SH2D4A: variants seen among roughly 807,000 people sequenced by gnomAD.
SH2D4A encodes the protein SH2 domain containing 4A.
In SH2D4A, 70 loss-of-function variants were observed where a neutral mutation model predicts 64.7. The observed-to-expected ratio is 1.08, with a 90% CI of 0.89 to 1.32. SH2D4A has a LOEUF of 1.32. SH2D4A is among the 40% of genes most tolerant of loss of function. SH2D4A has a pLI of 0.00. For synonymous variants in SH2D4A, 268 were observed against 200.7 expected (o/e 1.34, Z -2.83); for missense variants, 706 against 540.1 (o/e 1.31, Z -3.04).
At position 19,364,202 on chromosome 8, in the gene SH2D4A, T is replaced by C; in HGVS notation, c.837T>C (p.Val279=). 1.2e-6 allele frequency: 2 copies of C among 1,614,170 alleles called. No homozygotes were observed. The highest frequency in any genetic ancestry group is 1.7e-6 in the Non-Finnish European group (2 of 1,180,008). ...GGERLQSPLR[V]PQKPERPPLP... ...AGAGGCTGCAAAGCCCCTTGCGTGT[T>C]CCGCAGAAACCAGAAAGACCTCCCC... Residue 279 remains valine, a synonymous_variant, in exon 7 of 10, where the codon GTT becomes GTC. Transcript: ENST00000265807.
intron 2 of SH2D4A, among the ~76,000 whole-genome samples, chr8:19,329,125 G>A (rs1289294388): frequency 6.6e-6 from 1 of 152,046 alleles, no homozygotes; most frequent in African/African-American, 2.4e-5. Flanking sequence ...CTGTTCTTTG[G>A]TCATGTTGTT....
chr8:19,369,940 G>C (rs1270673804), intron 7 of SH2D4A, among the ~76,000 whole-genome samples: 1 of 151,882 alleles, frequency 6.6e-6, no homozygotes, highest in East Asian at 1.9e-4. Context: ...TTTGATATGT[G>C]TGTTTATTGG....
chr8:19,319,076 T>C (rs1312793021), intron 1 of SH2D4A, among the ~76,000 whole-genome samples: 1 of 152,106 alleles, frequency 6.6e-6, no homozygotes, highest in African/African-American at 2.4e-5. Context: ...TGGACAAACC[T>C]CTGTGAACTT....
chr8:19,314,195 C>T (rs2052045996), intron 1 of SH2D4A: 5 of 776,978 alleles, frequency 6.4e-6, no homozygotes, highest in Non-Finnish European at 8.0e-6. Flanking sequence ...GGCAGGGACA[C>T]GCGGCGCGTG....
Position 19,361,253 on chromosome 8 carries a change from A to G in SH2D4A, c.645A>G (p.Glu215=), listed in dbSNP as rs191917858. Residue 215 remains glutamate (E), a synonymous_variant, in exon 6 of 10, where the codon GAA becomes GAG. Coordinates refer to ENST00000265807, the MANE Select transcript of SH2D4A (RefSeq NM_022071.4). Reference sequence around the variant, plus strand: ...AAGATGAAGAAATAAATCAAATAGAAGAAGAGAGAACGAAGCAGATTTGTA... The same window carrying G: ...AAGATGAAGAAATAAATCAAATAGAGGAAGAGAGAACGAAGCAGATTTGTA... The part of the protein sequence containing the change: ...KKQDEEINQI[E]EERTKQICKS... 7 of 1,609,108 alleles carry G rather than the reference A, an allele frequency of 4.4e-6. No individual in the cohort carries two copies. Among genetic ancestry groups the G allele is most frequent in the Non-Finnish European group, 5.9e-6 (7 of 1,176,828 alleles).
At chr8:19,333,191 C>A in intron 3 of SH2D4A, 77 bp downstream of exon 3, 1 of 1,485,244 alleles carries the variant, frequency 6.7e-7, no homozygotes. Context: ...ACCTCTTGCT[C>A]ACAGTATCAG....
intron 8 of SH2D4A, among the ~76,000 whole-genome samples, chr8:19,391,786 A>G (rs2053496939): frequency 6.6e-6 from 1 of 152,216 alleles, no homozygotes; most frequent in African/African-American, 2.4e-5. Context: ...TTTACTCTGG[A>G]GAGAGTTCAC....
chr8:19,390,235 G>A (rs1248059180), intron 8 of SH2D4A, among the ~76,000 whole-genome samples: 1 of 152,130 alleles, frequency 6.6e-6, no homozygotes, highest in Non-Finnish European at 1.5e-5. Context: ...ACAAAAATTA[G>A]CTGGGCATGG....
intron 8 of SH2D4A, among the ~76,000 whole-genome samples, chr8:19,391,908 CAGGGAGCCAACAAG>C (rs2053499455): frequency 6.6e-6 from 1 of 152,174 alleles, no homozygotes; most frequent in Non-Finnish European, 1.5e-5. Flanking sequence ...TGAGTATCAA[CAGGGAGCCAACAAG>C]AGAAGGCAAG....
intron 2 of SH2D4A, among the ~76,000 whole-genome samples, chr8:19,321,784 C>CT (rs1209880630): frequency 1.3e-5 from 2 of 152,094 alleles, no homozygotes; most frequent in Non-Finnish European, 2.9e-5. Flanking sequence ...ATGGGGTGAC[C>CT]TTGGGGACTA....
intron 5 of SH2D4A, 83 bp downstream of exon 5, chr8:19,357,366 A>G: frequency 1.0e-6 from 1 of 1,000,876 alleles, no homozygotes; most frequent in Non-Finnish European, 1.6e-6. Context: ...AATTAATCTC[A>G]TGCAGAAATG....
At chr8:19,390,306 A>G (rs35312266) in intron 8 of SH2D4A, among the ~76,000 whole-genome samples, 24,115 of 152,100 alleles carry the variant, frequency 0.16, 2,034 homozygotes, top group Middle Eastern at 0.21. Context: ...GCTTGAACCC[A>G]GGAGTCAGAA....
At chr8:19,320,623 C>CA (rs57328086) in intron 2 of SH2D4A, among the ~76,000 whole-genome samples, 35,695 of 68,524 alleles carry the variant, frequency 0.52, 9,371 homozygotes, top group Middle Eastern at 0.55. Context: ...GACTGTGTGT[C>CA]AAAAAAAAAA....
rs149702060 is a variant in SH2D4A at position 19,331,810 on chromosome 8, G to C, written c.182-1145G>C. On this transcript the variant is annotated intron_variant, in intron 2 of 9. Transcript: ENST00000265807. ...ATTGGTATTCCCATTTTGCAGATGA[G>C]GAAATTGAGTCTAAAGAGTTTAAGA... is the stretch of plus-strand genomic sequence containing the variant. 4.6e-3 allele frequency among the ~76,000 whole-genome samples: 698 copies of C among 152,278 alleles called. 4 individuals are homozygous for C. The highest frequency in any genetic ancestry group is 0.016 in the African/African-American group (650 of 41,554).
intron 8 of SH2D4A, among the ~76,000 whole-genome samples, chr8:19,383,391 TG>T (rs1340756016): frequency 2.7e-4 from 41 of 151,128 alleles, no homozygotes; most frequent in African/African-American, 5.1e-4. Flanking sequence ...GATTTGTTCT[TG>T]GTTTTTTTTT....
At chr8:19,370,689 G>T (rs1457414115) in intron 7 of SH2D4A, among the ~76,000 whole-genome samples, 1 of 151,956 alleles carries the variant, frequency 6.6e-6, no homozygotes, top group East Asian at 1.9e-4. Context: ...TTTTTATTTA[G>T]CCACTCTATG....
chr8:19,378,796 A>T (rs538433125), intron 8 of SH2D4A, among the ~76,000 whole-genome samples: 1 of 152,012 alleles, frequency 6.6e-6, no homozygotes, highest in African/African-American at 2.4e-5. Context: ...CTATAATCCC[A>T]GCACTTTGGG....
intron 8 of SH2D4A, among the ~76,000 whole-genome samples, chr8:19,381,148 C>T (rs533191617): frequency 1.1e-4 from 16 of 151,844 alleles, no homozygotes; most frequent in South Asian, 1.0e-3. Flanking sequence ...CTCTCAAGTT[C>T]GATCAATTCT....
At chr8:19,316,151 C>CA (rs2052083670) in intron 1 of SH2D4A, among the ~76,000 whole-genome samples, 1 of 152,154 alleles carries the variant, frequency 6.6e-6, no homozygotes, top group Non-Finnish European at 1.5e-5. Flanking sequence ...TACCATTCAG[C>CA]AGTGGCAGAA....
Sources: gnomAD v4.1 joint callset for allele counts (sites outside exome capture counted in the v4.1 genomes callset) on GRCh38, gnomAD v4.1.1 for gene constraint, MANE v1.5 for transcripts, NCBI Gene and HGNC (gene_info 2026-07-23, HGNC 2026-07-21) for gene names.